Variants in PROSER2 observed in about 807,000 individuals in gnomAD.
PROSER2 encodes proline and serine rich 2, also known as proline and serine-rich protein 2.
A neutral mutation model predicts 14.6 loss-of-function variants in PROSER2; 18 were observed. That is an observed-to-expected ratio of 1.23 (90% CI 0.85 to 1.83). PROSER2 has a LOEUF of 1.83. PROSER2 is among the 40% of genes most tolerant of loss of function. The probability of loss-of-function intolerance (pLI) is 0.00; values close to 1 mark genes in which losing one functional copy is unlikely to be tolerated. For missense variants in PROSER2, 823 were observed against 629.8 expected (o/e 1.31, Z -3.28); for synonymous variants, 367 against 286.4 (o/e 1.28, Z -2.84).
At chr10:11,863,805 GTA>G (rs1368991322) in intron 2 of PROSER2, among the ~76,000 whole-genome samples, 5 of 151,734 alleles carry the variant, frequency 3.3e-5, no homozygotes, top group African/African-American at 1.2e-4. Flanking sequence ...GTGTCGGTGT[GTA>G]TGTTGCTGTG....
At chr10:11,835,624 T>G (rs1041999230) in intron 1 of PROSER2, among the ~76,000 whole-genome samples, 1 of 152,324 alleles carries the variant, frequency 6.6e-6, no homozygotes, top group Admixed American at 6.5e-5. Flanking sequence ...CCAGTACATT[T>G]CTTATTATAA....
chr10:11,867,735 C>T (rs1403538931), intron 3 of PROSER2, among the ~76,000 whole-genome samples: 1 of 152,224 alleles, frequency 6.6e-6, no homozygotes, highest in African/African-American at 2.4e-5. Flanking sequence ...TCGCTCACCA[C>T]TCACGTCCTG....
At chr10:11,825,118 A>C in intron 1 of PROSER2, among the ~76,000 whole-genome samples, 1 of 152,202 alleles carries the variant, frequency 6.6e-6, no homozygotes, top group African/African-American at 2.4e-5. Flanking sequence ...TAGACACCCA[A>C]GGCGCCCAGA....
chr10:11,864,050 G>A (rs748283110), intron 2 of PROSER2, among the ~76,000 whole-genome samples: 2 of 152,142 alleles, frequency 1.3e-5, no homozygotes, highest in Non-Finnish European at 2.9e-5. Flanking sequence ...GGTTTACTCC[G>A]TGTTTAGAGG....
At position 11,856,039 on chromosome 10, in the gene PROSER2, T is replaced by G. The variant is rs1160303426; in HGVS notation, c.138+3824T>G. Among the ~76,000 whole-genome samples, 1 of 152,192 alleles carries G rather than the reference T, an allele frequency of 6.6e-6. No individual in the cohort carries two copies. Among genetic ancestry groups the G allele is most frequent in the African/African-American group, 2.4e-5 (1 of 41,448 alleles). ...CCTAGAATATGTGGCTACAAAGGCA[T>G]CCCTTGAATTATGTCTTTTCATTTG... is the stretch of plus-strand genomic sequence containing the variant. On this transcript the variant is annotated intron_variant, in intron 2 of 3. Coordinates refer to ENST00000277570, the MANE Select transcript of PROSER2 (RefSeq NM_153256.4). The surrounding 1 kb of genome is among the most constrained non-coding windows in gnomAD (Gnocchi z 5.3).
chr10:11,852,684 A>ATTTTTTTTTTT (rs33939695), intron 2 of PROSER2, among the ~76,000 whole-genome samples: 3 of 98,018 alleles, frequency 3.1e-5, no homozygotes, highest in Non-Finnish European at 2.0e-5. Context: ...ACACCCGGCT[A>ATTTTTTTTTTT]TTTTTTTTTT....
At chr10:11,849,248 T>G (rs1833976643) in intron 1 of PROSER2, among the ~76,000 whole-genome samples, 1 of 152,122 alleles carries the variant, frequency 6.6e-6, no homozygotes, top group African/African-American at 2.4e-5. Context: ...AGGGCCATGG[T>G]GGGCCCTCCT....
At chr10:11,839,216 C>T (rs1833802235) in intron 1 of PROSER2, among the ~76,000 whole-genome samples, 1 of 152,146 alleles carries the variant, frequency 6.6e-6, no homozygotes, top group Non-Finnish European at 1.5e-5. Context: ...ACACATTACA[C>T]TGACATAAAT....
At chr10:11,827,376 T>C (rs1833630250) in intron 1 of PROSER2, among the ~76,000 whole-genome samples, 1 of 152,156 alleles carries the variant, frequency 6.6e-6, no homozygotes, top group Non-Finnish European at 1.5e-5. Flanking sequence ...TTTCGTATCA[T>C]GAAATTTTGC....
intron 2 of PROSER2, among the ~76,000 whole-genome samples, chr10:11,859,366 G>A (rs1285734749): frequency 6.6e-6 from 1 of 152,152 alleles, no homozygotes; most frequent in Non-Finnish European, 1.5e-5. Flanking sequence ...GGCGGAGGTT[G>A]CAGTGAGCCA....
At chr10:11,847,176 T>G (rs889091513) in intron 1 of PROSER2, among the ~76,000 whole-genome samples, 16 of 147,954 alleles carry the variant, frequency 1.1e-4, no homozygotes, top group African/African-American at 3.9e-4. Flanking sequence ...TATATATATA[T>G]ATATATATGA....
At chr10:11,824,360 T>C (rs1319996379) in intron 1 of PROSER2, among the ~76,000 whole-genome samples, 1 of 152,228 alleles carries the variant, frequency 6.6e-6, no homozygotes, top group African/African-American at 2.4e-5. Flanking sequence ...CTGAAAGGTA[T>C]CGAAAGACCA....
intron 3 of PROSER2, among the ~76,000 whole-genome samples, chr10:11,868,387 C>T (rs952685149): frequency 1.3e-5 from 2 of 151,772 alleles, no homozygotes; most frequent in East Asian, 2.0e-4. Flanking sequence ...ATGATCCTCC[C>T]ACCTCAGCCT....
chr10:11,864,021 G>A (rs1401028325), intron 2 of PROSER2, among the ~76,000 whole-genome samples: 1 of 152,008 alleles, frequency 6.6e-6, no homozygotes, highest in Non-Finnish European at 1.5e-5. Context: ...CTGTTACCTG[G>A]CTCCGTGTCT....
At chr10:11,852,940 G>A (rs1486617368) in intron 2 of PROSER2, among the ~76,000 whole-genome samples, 2 of 152,128 alleles carry the variant, frequency 1.3e-5, no homozygotes, top group African/African-American at 4.8e-5. Flanking sequence ...CCTTTGCATA[G>A]CTTTGGGAAC....
chr10:11,868,864 TGG>T (rs1834405033), intron 3 of PROSER2, among the ~76,000 whole-genome samples: 1 of 152,192 alleles, frequency 6.6e-6, no homozygotes, highest in Non-Finnish European at 1.5e-5. Flanking sequence ...TTGGCCAGGC[TGG>T]TCTTGAACTT....
rs76623215 is a variant in PROSER2, at chr10:11,867,983, C to T, written c.391+1200C>T. Among the ~76,000 whole-genome samples the T allele has an allele frequency of 4.6e-3, 694 of 152,280 alleles. 7 individuals are homozygous for T. Among genetic ancestry groups the T allele is most frequent in the Admixed American group, 8.6e-3 (131 of 15,294 alleles). On this transcript the variant is annotated intron_variant, in intron 3 of 3. Coordinates refer to ENST00000277570, the MANE Select transcript of PROSER2 (RefSeq NM_153256.4). ...AGCCACTAGAAATAAAGTGTGTACA[C>T]GTGTGTACACATGTATGTCTTTCAA...
chr10:11,846,416 C>G (rs764786321), intron 1 of PROSER2, among the ~76,000 whole-genome samples: 28 of 152,338 alleles, frequency 1.8e-4, no homozygotes, highest in Admixed American at 3.3e-4. Flanking sequence ...GTTTTCACAT[C>G]TCTCTGTGCT....
chr10:11,870,392 A>G lies in PROSER2; in HGVS notation c.1294A>G (p.Arg432Gly). The G allele has an allele frequency of 6.7e-7, 1 of 1,502,880 alleles. No individual in the cohort carries two copies. Among genetic ancestry groups the G allele is most frequent in the Non-Finnish European group, 8.9e-7 (1 of 1,128,170 alleles). 93.1% of individuals were successfully genotyped at this position (1,502,880 alleles called of 1,614,324 possible). A position where few individuals can be genotyped will look rare whatever the true frequency, so the allele number is the denominator to read the frequency against. ...REALRKLGLLRESS is the reference protein window; with the variant it reads ...REALRKLGLLGESS ...GGCCCTGCGGAAGCTGGGGCTGCTC[A>G]GGGAGAGTTCGTGAGGGCCGCGCGG... Residue 432 changes from arginine (R) to glycine (G), a missense_variant, in exon 4 of 4, where the codon AGG becomes GGG. Physicochemically the swap from Arg to Gly is moderately radical, Grantham distance 125. Transcript: ENST00000277570.
Sources: allele counts gnomAD v4.1 joint callset (sites outside exome capture counted in the v4.1 genomes callset), GRCh38; gene constraint gnomAD v4.1.1; non-coding constraint Gnocchi (gnomAD v3.1); transcripts MANE v1.5; gene names NCBI Gene and HGNC (gene_info 2026-07-23, HGNC 2026-07-21).